ASIC2: variants seen among roughly 807,000 people sequenced by gnomAD.
ASIC2 encodes acid-sensing ion channel 2.
ASIC2 carries 25 observed loss-of-function variants against 57.3 expected under a neutral mutation model. The ratio of observed to expected loss-of-function variants is 0.44; its 90% CI spans 0.32 to 0.61. The LOEUF is 0.61. Among genes scored for constraint, ASIC2 ranks in the 20% least tolerant of loss-of-function variants. ASIC2 has a pLI of 0.06. For missense variants in ASIC2, 641 were observed against 738.1 expected (o/e 0.87, Z 1.52); for synonymous variants, 319 against 307.5 (o/e 1.04, Z -0.39).
At chr17:33,445,900 A>G (rs1912000870) in intron 1 of ASIC2, among the ~76,000 whole-genome samples, 1 of 152,012 alleles carries the variant, frequency 6.6e-6, no homozygotes, top group Non-Finnish European at 1.5e-5. Context: ...CAAACTATGC[A>G]GCAACAAACA....
At chr17:33,414,550 G>C (rs1395261553) in intron 1 of ASIC2, among the ~76,000 whole-genome samples, 9 of 152,144 alleles carry the variant, frequency 5.9e-5, no homozygotes, top group Admixed American at 5.9e-4. Flanking sequence ...CCTCTCTGGA[G>C]GGGGTCAAGG....
At chr17:33,670,991 T>TAAA (rs1490328388) in intron 1 of ASIC2, among the ~76,000 whole-genome samples, 1 of 152,200 alleles carries the variant, frequency 6.6e-6, no homozygotes, top group Non-Finnish European at 1.5e-5. Flanking sequence ...TCTATGCTTT[T>TAAA]AAGAGATGAA....
At chr17:34,145,606 A>G (rs929979991) in intron 1 of ASIC2, among the ~76,000 whole-genome samples, 16 of 152,120 alleles carry the variant, frequency 1.1e-4, no homozygotes, top group Non-Finnish European at 2.1e-4. Flanking sequence ...TTACCCACAC[A>G]TTGGTGCTAG....
chr17:33,889,806 G>C (rs1011653564), intron 1 of ASIC2, among the ~76,000 whole-genome samples: 1 of 152,230 alleles, frequency 6.6e-6, no homozygotes, highest in Non-Finnish European at 1.5e-5. Context: ...TCAAGTGCCA[G>C]GTGCTGGGCT....
At chr17:33,722,738 G>A (rs1267637850) in intron 1 of ASIC2, among the ~76,000 whole-genome samples, 1 of 152,182 alleles carries the variant, frequency 6.6e-6, no homozygotes, top group Non-Finnish European at 1.5e-5. Flanking sequence ...ACTGCAGCCG[G>A]GGTAACAGGG....
At chr17:34,150,506 A>G (rs1904475373) in intron 1 of ASIC2, among the ~76,000 whole-genome samples, 1 of 152,192 alleles carries the variant, frequency 6.6e-6, no homozygotes, top group Non-Finnish European at 1.5e-5. Context: ...TGTACATCAT[A>G]AATATATGTA....
intron 1 of ASIC2, among the ~76,000 whole-genome samples, chr17:33,133,762 C>G (rs2142009621): frequency 6.6e-6 from 1 of 152,290 alleles, no homozygotes; most frequent in South Asian, 2.1e-4. Context: ...CCTCCTCCTT[C>G]TACCCTGCCC....
chr17:34,019,362 T>C (rs1907076608), intron 1 of ASIC2, among the ~76,000 whole-genome samples: 2 of 152,182 alleles, frequency 1.3e-5, no homozygotes, highest in African/African-American at 2.4e-5. Context: ...GTGGGTAAAA[T>C]GCAGTCAAAC....
At chr17:33,773,047 C>A (rs1269527187) in intron 1 of ASIC2, among the ~76,000 whole-genome samples, 2 of 152,176 alleles carry the variant, frequency 1.3e-5, no homozygotes, top group African/African-American at 4.8e-5. Context: ...ACACACAAGT[C>A]ACATATTCAC....
chr17:33,255,428 G>A (rs937464161), intron 1 of ASIC2, among the ~76,000 whole-genome samples: 19 of 152,146 alleles, frequency 1.2e-4, no homozygotes, highest in East Asian at 5.8e-4. Flanking sequence ...GTTGACACGC[G>A]ATAAGGTAAA....
intron 1 of ASIC2, among the ~76,000 whole-genome samples, chr17:33,451,082 A>C (rs1379275665): frequency 6.7e-6 from 1 of 148,464 alleles, no homozygotes; most frequent in Non-Finnish European, 1.5e-5. Flanking sequence ...TCTGAGATGG[A>C]GTCTCACTCT....
intron 1 of ASIC2, among the ~76,000 whole-genome samples, chr17:33,765,264 C>T (rs1231218767): frequency 6.6e-6 from 1 of 150,574 alleles, no homozygotes; most frequent in African/African-American, 2.5e-5. Flanking sequence ...CGCTACCACG[C>T]CCAGCTAATT....
chr17:33,702,164 C>T (rs958686200), intron 1 of ASIC2, among the ~76,000 whole-genome samples: 13 of 152,162 alleles, frequency 8.5e-5, no homozygotes, highest in African/African-American at 2.9e-4. Context: ...GAAGCATACT[C>T]GCTTTGGTAC....
At chr17:34,098,597 G>C (rs1910630659) in intron 1 of ASIC2, among the ~76,000 whole-genome samples, 3 of 152,230 alleles carry the variant, frequency 2.0e-5, no homozygotes, top group Non-Finnish European at 2.9e-5. Flanking sequence ...CAAAATGTCA[G>C]CTCCACAAAA....
intron 1 of ASIC2, among the ~76,000 whole-genome samples, chr17:33,972,614 C>A (rs1478834957): frequency 6.6e-6 from 1 of 152,190 alleles, no homozygotes; most frequent in Non-Finnish European, 1.5e-5. Context: ...GAAATTTGCA[C>A]CTTCCACTCC....
At chr17:33,621,770 C>A (rs996384178) in intron 1 of ASIC2, among the ~76,000 whole-genome samples, 2 of 152,312 alleles carry the variant, frequency 1.3e-5, no homozygotes, top group South Asian at 4.1e-4. Flanking sequence ...TTCTAATTAT[C>A]CTCCACTGAT....
rs527382940 is a variant in ASIC2 at position 34,091,225 on chromosome 17, T to C, written c.555+64753A>G. On this transcript the variant is annotated intron_variant, in intron 1 of 9. Transcript: ENST00000359872. The stretch of plus-strand genomic sequence containing the variant: ...CTGAGATAAAGTCTCAACCTCTTTG[T>C]GCTCCAGTTTGTCTTTTCACATAAT... 5.9e-5 allele frequency among the ~76,000 whole-genome samples: 9 copies of C among 152,392 alleles called. No individual in the cohort carries two copies. The East Asian group carries it at 1.7e-3, about 29-fold the overall frequency.
chr17:33,691,737 C>A (rs1404650346), intron 1 of ASIC2, among the ~76,000 whole-genome samples: 1 of 152,116 alleles, frequency 6.6e-6, no homozygotes, highest in Non-Finnish European at 1.5e-5. Flanking sequence ...ACTCTCTTCT[C>A]CCATGGCTTC....
At chr17:33,203,317 A>G (rs541245777) in intron 1 of ASIC2, among the ~76,000 whole-genome samples, 114 of 152,256 alleles carry the variant, frequency 7.5e-4, no homozygotes, top group African/African-American at 2.5e-3. Flanking sequence ...TTCAAAGCTT[A>G]TTTTTTTAGG....
Sources: allele counts gnomAD v4.1 joint callset (sites outside exome capture counted in the v4.1 genomes callset), GRCh38; gene constraint gnomAD v4.1.1; transcripts MANE v1.5; gene names NCBI Gene and HGNC (gene_info 2026-07-23, HGNC 2026-07-21).